PPP3CA: variants seen among roughly 807,000 people sequenced by gnomAD.
The protein encoded by PPP3CA is protein phosphatase 3 catalytic subunit alpha.
A neutral mutation model predicts 66.5 loss-of-function variants in PPP3CA; 14 were observed. The observed-to-expected ratio is 0.21, with a 90% confidence interval of 0.14 to 0.33. The LOEUF is 0.33. Among genes scored for constraint, PPP3CA ranks in the 10% least tolerant of loss-of-function variants. The pLI is 1.00. For synonymous variants in PPP3CA, 232 were observed against 226.2 expected, an observed-to-expected ratio of 1.03 and a Z score of -0.23; for missense variants, 317 against 639.5, an observed-to-expected ratio of 0.50 and a Z score of 5.44.
At chr4:101,305,225 T>C (rs1337067694) in intron 1 of PPP3CA, among the ~76,000 whole-genome samples, 1 of 152,216 alleles carries the variant, frequency 6.6e-6, no homozygotes, top group Non-Finnish European at 1.5e-5. Context: ...GAAGAAAAAC[T>C]GCCTGGTTTT....
chr4:101,330,364 A>G (rs771463208), intron 1 of PPP3CA: 44 of 513,450 alleles, frequency 8.6e-5, no homozygotes, highest in South Asian at 2.2e-4. Flanking sequence ...AGAATCTAAA[A>G]AATCTACTTT....
intron 2 of PPP3CA, among the ~76,000 whole-genome samples, chr4:101,147,710 A>G (rs1723014109): frequency 6.6e-6 from 1 of 151,068 alleles, no homozygotes; most frequent in South Asian, 2.1e-4. Context: ...CTCTATATAA[A>G]CACACACACA....
intron 1 of PPP3CA, among the ~76,000 whole-genome samples, chr4:101,204,578 G>C (rs897381599): frequency 2.7e-5 from 4 of 148,320 alleles, no homozygotes; most frequent in Non-Finnish European, 5.9e-5. Context: ...GGAGCATGTA[G>C]TGAGCCCAGA....
intron 2 of PPP3CA, among the ~76,000 whole-genome samples, chr4:101,134,823 A>AATAGTGAATTGACTTGGAGC (rs200486986): frequency 6.6e-6 from 1 of 151,598 alleles, no homozygotes; most frequent in African/African-American, 2.4e-5. Context: ...AGACTTGGGG[A>AATAGTGAATTGACTTGGAGC]CAATCCAAAT....
intron 1 of PPP3CA, among the ~76,000 whole-genome samples, chr4:101,321,622 T>C (rs1316939460): frequency 1.3e-5 from 2 of 152,186 alleles, no homozygotes; most frequent in Non-Finnish European, 2.9e-5. Context: ...GATTCACTTG[T>C]TGTTGTCATC....
chr4:101,328,772 T>G (rs545014500), intron 1 of PPP3CA, among the ~76,000 whole-genome samples: 1 of 152,180 alleles, frequency 6.6e-6, no homozygotes, highest in South Asian at 2.1e-4. Context: ...TATTATTGTA[T>G]GTTATGGTAA....
intron 1 of PPP3CA, among the ~76,000 whole-genome samples, chr4:101,328,575 C>T (rs1423970779): frequency 6.6e-6 from 1 of 152,176 alleles, no homozygotes; most frequent in Non-Finnish European, 1.5e-5. Context: ...AAAATGAATA[C>T]AGGCATACCT....
chr4:101,211,707 A>G (rs1261585213), intron 1 of PPP3CA, among the ~76,000 whole-genome samples: 2 of 152,166 alleles, frequency 1.3e-5, no homozygotes, highest in East Asian at 1.9e-4. Context: ...ACTTCCATCA[A>G]AGCTAGCTGT....
At position 101,300,471 on chromosome 4, in the gene PPP3CA, T is replaced by C. The variant is rs542350852; in HGVS notation, c.58+46268A>G. On this transcript the variant is annotated intron_variant, in intron 1 of 13. Transcript: ENST00000394854. ...TATTACCATAGTGATAAAACCATTT[T>C]TGTTTTAATGTTTTAAATTAATTTT... Among the ~76,000 whole-genome samples the C allele has an allele frequency of 2.8e-4, 43 of 152,328 alleles. No homozygotes were observed. In the South Asian group the frequency reaches 8.7e-3, roughly 31 times the overall value.
In PPP3CA at chr4:101,106,458, A is replaced by AG. The variant is rs1560605216; in HGVS notation, c.384+2495_384+2496insC. Among the ~76,000 whole-genome samples the AG allele has an allele frequency of 4.0e-4, 13 of 32,708 alleles. 2 individuals are homozygous for AG. The highest frequency in any genetic ancestry group is 6.4e-4 in the Non-Finnish European group (11 of 17,298). 21.5% of individuals were successfully genotyped at this position (32,708 alleles called of 152,430 possible). ...GAAAGAAAGAAAGAAAGAAAGAGAA[A>AG]AGAAAAGAAAAGAAAAGAAAAGAAA... is the stretch of plus-strand genomic sequence containing the variant. On this transcript the variant is annotated intron_variant, in intron 3 of 13. Transcript: ENST00000394854.
At chr4:101,188,554 A>T (rs1724486935) in intron 2 of PPP3CA, among the ~76,000 whole-genome samples, 1 of 152,158 alleles carries the variant, frequency 6.6e-6, no homozygotes, top group African/African-American at 2.4e-5. Flanking sequence ...TAAAAATGTA[A>T]CTTCTTAAGA....
intron 1 of PPP3CA, among the ~76,000 whole-genome samples, chr4:101,281,146 T>C (rs1268566402): frequency 6.6e-6 from 1 of 152,200 alleles, no homozygotes. Flanking sequence ...ACTGAGGTTA[T>C]TGGAGACTTT....
chr4:101,305,606 G>A (rs892560594), intron 1 of PPP3CA, among the ~76,000 whole-genome samples: 3 of 152,124 alleles, frequency 2.0e-5, no homozygotes, highest in Admixed American at 6.5e-5. Context: ...GTACAAATAT[G>A]GAGGAAAAAT....
chr4:101,067,551 AC>A (rs1728731530), intron 8 of PPP3CA, among the ~76,000 whole-genome samples: 1 of 151,548 alleles, frequency 6.6e-6, no homozygotes, highest in Non-Finnish European at 1.5e-5. Context: ...AAAAAAAAAA[AC>A]AACTAGTATT....
At chr4:101,112,688 G>A (rs574416372) in intron 2 of PPP3CA, among the ~76,000 whole-genome samples, 2 of 152,112 alleles carry the variant, frequency 1.3e-5, no homozygotes, top group South Asian at 2.1e-4. Context: ...TCACATACAC[G>A]TCACATGCTC....
intron 2 of PPP3CA, among the ~76,000 whole-genome samples, chr4:101,189,928 C>G (rs919772018): frequency 1.3e-5 from 2 of 151,772 alleles, no homozygotes; most frequent in African/African-American, 4.8e-5. Flanking sequence ...TCATTATAGT[C>G]CATACATGTT....
rs532156717 is a variant in PPP3CA, at chr4:101,335,567, C to T, written c.58+11172G>A. ...GTTTTACAGACTTCTACTTATAGAC[C>T]AGATTAGGCGTTTGACAACTTGAAA... On this transcript the variant is annotated intron_variant, in intron 1 of 13. Coordinates refer to ENST00000394854, the MANE Select transcript of PPP3CA (RefSeq NM_000944.5). Among the ~76,000 whole-genome samples, 112 of 152,186 alleles carry T rather than the reference C, an allele frequency of 7.4e-4. 1 individual carries two copies. The highest frequency in any genetic ancestry group is 9.6e-4 in the East Asian group (5 of 5,182).
intron 2 of PPP3CA, chr4:101,171,365 A>AC (rs57578876): frequency 2.8e-5 from 10 of 351,884 alleles, no homozygotes; most frequent in Admixed American, 2.4e-4. Flanking sequence ...AAAAAAAAAA[A>AC]CCCTTCAAAG....
chr4:101,110,205 C>G (rs1187873596), intron 2 of PPP3CA, among the ~76,000 whole-genome samples: 1 of 151,998 alleles, frequency 6.6e-6, no homozygotes. Flanking sequence ...TGAACGCATT[C>G]GTGAATAAGA....
Sources: gnomAD v4.1 joint callset for allele counts (sites outside exome capture counted in the v4.1 genomes callset) on GRCh38, gnomAD v4.1.1 for gene constraint, MANE v1.5 for transcripts, NCBI Gene and HGNC (gene_info 2026-07-23, HGNC 2026-07-21) for gene names.